The following YPEL2 variants were observed in gnomAD, a reference collection of about 807,000 sequenced individuals.
The protein encoded by YPEL2 is yippee like 2.
YPEL2 carries 2 observed loss-of-function variants against 19.1 expected under a neutral mutation model. The observed-to-expected ratio is 0.10, with a 90% CI of 0.04 to 0.33. YPEL2 has a LOEUF of 0.33. Ranked by LOEUF, YPEL2 falls within the 10% of genes least tolerant of loss-of-function variation. The pLI is 1.00. For missense variants in YPEL2, 66 were observed against 140.7 expected (o/e 0.47, Z 2.68); for synonymous variants, 52 against 50.0 (o/e 1.04, Z -0.17).
chr17:59,384,082 TC>T (rs1312389714), intron 2 of YPEL2, among the ~76,000 whole-genome samples: 1 of 152,230 alleles, frequency 6.6e-6, no homozygotes, highest in African/African-American at 2.4e-5. Context: ...GTTTGAGACT[TC>T]CAGTTGCTAC....
Position 59,400,554 on chromosome 17 carries a change from A to G in YPEL2, c.*3364A>G, listed in dbSNP as rs1328923103. The G allele has an allele frequency of 6.6e-6, 1 of 150,586 alleles. No individual in the cohort carries two copies. The highest frequency in any genetic ancestry group is 1.5e-5 in the Non-Finnish European group (1 of 67,676). The allele number at this position is 150,586 out of a possible 1,614,324, so 9.3% of individuals were successfully genotyped here. ...AGGCTTTGAAGCAATGCCTCTCTGCATTTTTTCCCCAGTGGAACAGACTCT... is the reference window on the plus strand; with the variant it reads ...AGGCTTTGAAGCAATGCCTCTCTGCGTTTTTTCCCCAGTGGAACAGACTCT... On this transcript the variant is annotated 3_prime_UTR_variant, in exon 5 of 5. Transcript: ENST00000312655.
In YPEL2 at chr17:59,397,180, G is replaced by A; in HGVS notation, c.350G>A (p.Gly117Asp). The change falls in exon 5 of 5, where the codon GGC becomes GAC. Residue 117 changes from glycine (G) to aspartate (D), a missense_variant. Gly to Asp is a moderately conservative substitution (Grantham distance 94, BLOSUM62 -1). Transcript: ENST00000312655. ...CTAGCACACATGATCAAGGACAATGGCTGGGACTGATTGGACAGCATCTAC... is the reference window on the plus strand; with the variant it reads ...CTAGCACACATGATCAAGGACAATGACTGGGACTGATTGGACAGCATCTAC... ...IELAHMIKDN[G>D]WD The A allele has an allele frequency of 6.2e-7, 1 of 1,608,640 alleles. No homozygotes were observed. Among genetic ancestry groups the A allele is most frequent in the South Asian group, 1.1e-5 (1 of 89,988 alleles).
intron 1 of YPEL2, among the ~76,000 whole-genome samples, chr17:59,334,261 C>T (rs1037598796): frequency 1.7e-4 from 26 of 152,082 alleles, no homozygotes; most frequent in Non-Finnish European, 3.4e-4. Context: ...GGTTTTGAGG[C>T]AGCCACACAG....
At chr17:59,359,125 T>G (rs1191246936) in intron 2 of YPEL2, among the ~76,000 whole-genome samples, 1 of 152,038 alleles carries the variant, frequency 6.6e-6, no homozygotes, top group Non-Finnish European at 1.5e-5. Flanking sequence ...GATTTTGCCA[T>G]GTTGGCCAGG....
At chr17:59,333,745 A>T (rs2047684389) in intron 1 of YPEL2, among the ~76,000 whole-genome samples, 1 of 152,216 alleles carries the variant, frequency 6.6e-6, no homozygotes, top group Admixed American at 6.5e-5. Flanking sequence ...TTAAATGTGT[A>T]TAAAGATGAC....
In YPEL2 at chr17:59,366,688, T is replaced by C. The variant is rs372516389; in HGVS notation, c.117+13162T>C. ...CTGCCAGCTTTATCCACAGCTGGCC[T>C]TTCCCCTTCAGATGCCAAATGTTCC... On this transcript the variant is annotated intron_variant, in intron 2 of 4. Coordinates refer to ENST00000312655, the MANE Select transcript of YPEL2 (RefSeq NM_001005404.4). Among the ~76,000 whole-genome samples, 15 of 152,292 alleles carry C rather than the reference T, an allele frequency of 9.8e-5. No individual in the cohort carries two copies. In the East Asian group the frequency reaches 2.7e-3, roughly 27 times the overall value.
intron 2 of YPEL2, among the ~76,000 whole-genome samples, chr17:59,370,593 G>A (rs2147948106): frequency 6.6e-6 from 1 of 152,208 alleles, no homozygotes; most frequent in South Asian, 2.1e-4. Context: ...CCTTCCATTG[G>A]TCCTTCTCAG....
chr17:59,344,054 G>A (rs1471290240), intron 1 of YPEL2, among the ~76,000 whole-genome samples: 1 of 152,138 alleles, frequency 6.6e-6, no homozygotes, highest in African/African-American at 2.4e-5. Flanking sequence ...GCAACTGGAA[G>A]CAGGAACAGA....
intron 3 of YPEL2, among the ~76,000 whole-genome samples, chr17:59,388,597 C>T (rs2047992712): frequency 6.6e-6 from 1 of 152,184 alleles, no homozygotes; most frequent in South Asian, 2.1e-4. Flanking sequence ...GAGGGCACAC[C>T]AGAGGACTGT....
At chr17:59,366,934 C>T (rs765642631) in intron 2 of YPEL2, among the ~76,000 whole-genome samples, 4 of 152,170 alleles carry the variant, frequency 2.6e-5, no homozygotes, top group Non-Finnish European at 5.9e-5. Flanking sequence ...ATCTCTTTCT[C>T]TATAAAAACA....
At chr17:59,343,774 C>G (rs1255404915) in intron 1 of YPEL2, among the ~76,000 whole-genome samples, 1 of 152,106 alleles carries the variant, frequency 6.6e-6, no homozygotes, top group East Asian at 1.9e-4. Flanking sequence ...ACTAGGAAAC[C>G]ACTGGAGGTT....
chr17:59,393,701 G>A (rs1002983478), intron 4 of YPEL2, among the ~76,000 whole-genome samples: 21 of 147,658 alleles, frequency 1.4e-4, no homozygotes, highest in Non-Finnish European at 3.1e-4. Flanking sequence ...TGAGATTAGG[G>A]AGTGGTGATG....
intron 4 of YPEL2, among the ~76,000 whole-genome samples, chr17:59,393,313 T>A (rs1329259565): frequency 1.3e-5 from 2 of 150,590 alleles, no homozygotes; most frequent in Non-Finnish European, 3.0e-5. Flanking sequence ...TTTTTTTTTT[T>A]TTTTGTAGAG....
intron 1 of YPEL2, among the ~76,000 whole-genome samples, chr17:59,352,045 G>A (rs1196982854): frequency 4.6e-5 from 7 of 152,194 alleles, no homozygotes. Flanking sequence ...AAAAGAGGAC[G>A]ATGATTTGCA....
chr17:59,338,348 T>C (rs534343684), intron 1 of YPEL2, among the ~76,000 whole-genome samples: 2 of 152,348 alleles, frequency 1.3e-5, no homozygotes, highest in South Asian at 2.1e-4. Flanking sequence ...TGGCTTTGTT[T>C]TACCTGATAC....
intron 1 of YPEL2, among the ~76,000 whole-genome samples, chr17:59,350,910 C>T (rs998692589): frequency 2.0e-5 from 3 of 152,140 alleles, no homozygotes; most frequent in Admixed American, 1.3e-4. Flanking sequence ...GGGTCTGGTG[C>T]TCTTTGTGCT....
At chr17:59,348,626 G>A (rs1461297030) in intron 1 of YPEL2, among the ~76,000 whole-genome samples, 1 of 152,188 alleles carries the variant, frequency 6.6e-6, no homozygotes, top group Non-Finnish European at 1.5e-5. Context: ...AAGCTAGCTA[G>A]GGGTGGCGGC....
intron 1 of YPEL2, among the ~76,000 whole-genome samples, chr17:59,337,192 TG>T (rs201321348): frequency 0.016 from 2,289 of 146,382 alleles, 94 homozygotes; most frequent in African/African-American, 0.017. Context: ...TCTTTTTTTT[TG>T]TTTTTTTTGT....
At position 59,399,923 on chromosome 17, in the gene YPEL2, A is replaced by G. The variant is rs1026346268; in HGVS notation, c.*2733A>G. ...TGGGGGCGGGGTGTTGGGAGTAGAG[A>G]CAGGGTAAGGGGACGTGAGAAAGGA... On this transcript the variant is annotated 3_prime_UTR_variant, in exon 5 of 5. Transcript: ENST00000312655. The G allele has an allele frequency of 6.6e-6, 1 of 152,530 alleles. No homozygotes were observed. The highest frequency in any genetic ancestry group is 2.4e-5 in the African/African-American group (1 of 41,398). 9.4% of individuals were successfully genotyped at this position (152,530 alleles called of 1,614,324 possible).
Sources: allele counts gnomAD v4.1 joint callset (sites outside exome capture counted in the v4.1 genomes callset), GRCh38; gene constraint gnomAD v4.1.1; transcripts MANE v1.5; gene names NCBI Gene and HGNC (gene_info 2026-07-23, HGNC 2026-07-21).